Variants in MAGI1 observed in about 807,000 individuals in gnomAD.
MAGI1 encodes the protein membrane associated guanylate kinase, WW and PDZ domain containing 1, also known as membrane-associated guanylate kinase, WW and PDZ domain-containing protein 1.
In MAGI1, 58 loss-of-function variants were observed where a neutral mutation model predicts 139.9. The ratio of observed to expected loss-of-function variants is 0.41; its 90% CI spans 0.34 to 0.52. MAGI1 has a LOEUF of 0.52. Among genes scored for constraint, MAGI1 ranks in the 20% least tolerant of loss-of-function variants. MAGI1 has a pLI of 0.12. For synonymous variants in MAGI1, 812 were observed against 737.9 expected (o/e 1.10, Z -1.63); for missense variants, 1,874 against 1,901.6 (o/e 0.99, Z 0.27).
chr3:65,726,840 C>T (rs6765399), intron 1 of MAGI1, among the ~76,000 whole-genome samples: 51,160 of 151,140 alleles, frequency 0.34, 9,780 homozygotes, highest in African/African-American at 0.5. Context: ...CACCATTATC[C>T]GTTATAGCCA....
At chr3:65,631,601 A>T (rs2107157791) in intron 1 of MAGI1, among the ~76,000 whole-genome samples, 1 of 152,304 alleles carries the variant, frequency 6.6e-6, no homozygotes, top group African/African-American at 2.4e-5. Flanking sequence ...AAAATGTTTA[A>T]GGCCCTTGAT....
chr3:65,428,663 A>G (rs187368740), intron 12 of MAGI1, among the ~76,000 whole-genome samples: 283 of 152,330 alleles, frequency 1.9e-3, no homozygotes, highest in Non-Finnish European at 3.2e-3. Context: ...ACAGCTGTCC[A>G]CATGCACACA....
rs867694742 is a variant in MAGI1, at chr3:65,729,129, G to T, written c.314-107041C>A. On this transcript the variant is annotated intron_variant, in intron 1 of 22. Coordinates refer to ENST00000402939, the MANE Select transcript of MAGI1 (RefSeq NM_001033057.2). The stretch of plus-strand genomic sequence containing the variant: ...TTAACAAAAAATGGAACGGGGGGGG[G>T]GGGGGGGATGATATTCACTCTGAAG... Among the ~76,000 whole-genome samples, 40 of 125,800 alleles carry T rather than the reference G, an allele frequency of 3.2e-4. 4 individuals carry two copies. The highest frequency in any genetic ancestry group is 2.1e-3 in the Admixed American group (25 of 12,140). 82.5% of individuals were successfully genotyped at this position (125,800 alleles called of 152,430 possible).
At chr3:65,548,509 CTCTTTTTTT>C (rs569093113) in intron 2 of MAGI1, among the ~76,000 whole-genome samples, 1 of 117,402 alleles carries the variant, frequency 8.5e-6, no homozygotes, top group Admixed American at 1.1e-4. Context: ...GCAAACAACA[CTCTTTTTTT>C]TTTTTTTTTT....
At chr3:65,734,831 G>A (rs6793206) in intron 1 of MAGI1, among the ~76,000 whole-genome samples, 4,542 of 150,338 alleles carry the variant, frequency 0.03, 235 homozygotes, top group African/African-American at 0.1. Context: ...ACAGCAGGAG[G>A]GGAGGACAGA....
Position 65,812,583 on chromosome 3 carries a change from G to T in MAGI1, c.314-190495C>A, listed in dbSNP as rs114277322. Among the ~76,000 whole-genome samples, 305 of 151,220 alleles carry T rather than the reference G, an allele frequency of 2.0e-3. 1 individual carries two copies. The highest frequency in any genetic ancestry group is 7.2e-3 in the African/African-American group (298 of 41,172). ...GAACTACAAGCCAGTACTGAGCAAG[G>T]ACCGAATAAAATTATAGGATCATTA... On this transcript the variant is annotated intron_variant, in intron 1 of 22. Transcript: ENST00000402939.
intron 1 of MAGI1, among the ~76,000 whole-genome samples, chr3:65,763,894 A>C (rs937976860): frequency 6.6e-6 from 1 of 151,904 alleles, no homozygotes; most frequent in Non-Finnish European, 1.5e-5. Flanking sequence ...AACATGGAGA[A>C]ACCCCATCTC....
intron 1 of MAGI1, among the ~76,000 whole-genome samples, chr3:65,975,590 T>C (rs2065228690): frequency 6.6e-6 from 1 of 151,670 alleles, no homozygotes; most frequent in Non-Finnish European, 1.5e-5. Context: ...ATCCCCTCTC[T>C]ACCAAAAATA....
At chr3:65,478,390 T>C (rs1440879714) in intron 4 of MAGI1, among the ~76,000 whole-genome samples, 1 of 152,150 alleles carries the variant, frequency 6.6e-6, no homozygotes, top group Non-Finnish European at 1.5e-5. Context: ...TCTGATGAAG[T>C]TAAAATATTC....
At chr3:65,682,801 G>A (rs2087687551) in intron 1 of MAGI1, among the ~76,000 whole-genome samples, 1 of 152,108 alleles carries the variant, frequency 6.6e-6, no homozygotes, top group Admixed American at 6.5e-5. Context: ...AAAAAGAACA[G>A]TAACAGGCAG....
intron 1 of MAGI1, among the ~76,000 whole-genome samples, chr3:65,853,480 A>G (rs761803867): frequency 1.8e-4 from 27 of 152,320 alleles, no homozygotes; most frequent in Non-Finnish European, 3.1e-4. Context: ...AAATGTTTCA[A>G]TATCAAAAGT....
At chr3:65,387,208 G>A (rs747233154) in intron 14 of MAGI1, 13 of 1,613,780 alleles carry the variant, frequency 8.1e-6, no homozygotes, top group South Asian at 2.2e-5. Flanking sequence ...CAATCCCGAC[G>A]CAGGTGAAGG....
intron 1 of MAGI1, among the ~76,000 whole-genome samples, chr3:65,675,764 T>C (rs533232155): frequency 1.3e-5 from 2 of 152,278 alleles, no homozygotes; most frequent in African/African-American, 4.8e-5. Context: ...ATAACAATTG[T>C]CTTTGATAAT....
chr3:65,375,516 G>A (rs1260334150), intron 18 of MAGI1, among the ~76,000 whole-genome samples: 3 of 152,158 alleles, frequency 2.0e-5, no homozygotes, highest in Non-Finnish European at 2.9e-5. Context: ...GCAACACAGG[G>A]TCACAGGGCT....
chr3:65,820,167 G>GA (rs922356111), intron 1 of MAGI1, among the ~76,000 whole-genome samples: 33 of 150,724 alleles, frequency 2.2e-4, no homozygotes, highest in African/African-American at 5.1e-4. Context: ...TTCAAAGTGA[G>GA]AAAAAAAAAC....
At chr3:65,836,230 T>G (rs2042797653) in intron 1 of MAGI1, among the ~76,000 whole-genome samples, 1 of 152,192 alleles carries the variant, frequency 6.6e-6, no homozygotes, top group Non-Finnish European at 1.5e-5. Context: ...ATGTCATCAT[T>G]GCAAAATGTG....
intron 5 of MAGI1, among the ~76,000 whole-genome samples, chr3:65,466,007 T>G (rs990252350): frequency 2.0e-5 from 3 of 152,214 alleles, no homozygotes; most frequent in Non-Finnish European, 4.4e-5. Flanking sequence ...CACTCTCTTC[T>G]GCTGTTGAAT....
intron 2 of MAGI1, among the ~76,000 whole-genome samples, chr3:65,601,000 T>C (rs571349127): frequency 6.6e-6 from 1 of 152,288 alleles, no homozygotes; most frequent in Non-Finnish European, 1.5e-5. Flanking sequence ...AAGGAGTTCC[T>C]GCCTCATGGA....
At chr3:65,527,972 T>C (rs1455172314) in intron 2 of MAGI1, among the ~76,000 whole-genome samples, 2 of 152,042 alleles carry the variant, frequency 1.3e-5, no homozygotes, top group East Asian at 3.9e-4. Context: ...TGGCAATTTT[T>C]TAAAAAGTGG....
Sources: allele counts gnomAD v4.1 joint callset (sites outside exome capture counted in the v4.1 genomes callset), GRCh38; gene constraint gnomAD v4.1.1; transcripts MANE v1.5; gene names NCBI Gene and HGNC (gene_info 2026-07-23, HGNC 2026-07-21).